LGSN: variants seen among roughly 807,000 people sequenced by gnomAD.
The protein encoded by LGSN is lengsin.
In LGSN, 21 loss-of-function variants were observed where a neutral mutation model predicts 19.5. The ratio of observed to expected loss-of-function variants is 1.07; its 90% CI spans 0.76 to 1.55. The LOEUF is 1.55. LGSN is among the 40% of genes most tolerant of loss of function. The pLI is 0.00. For synonymous variants in LGSN, 257 were observed against 215.6 expected (o/e 1.19, Z -1.68); for missense variants, 673 against 608.5 (o/e 1.11, Z -1.12).
At chr6:63,362,044 C>A in the LGSN span, among the ~76,000 whole-genome samples, 10 of 152,176 alleles carry the variant, frequency 6.6e-5, no homozygotes, top group Non-Finnish European at 1.3e-4. Flanking sequence ...GCAACTTGAT[C>A]TTGTCCCACT....
intron 3 of LGSN, among the ~76,000 whole-genome samples, chr6:63,282,671 A>G (rs547556375): frequency 5.3e-5 from 8 of 152,276 alleles, no homozygotes; most frequent in African/African-American, 1.9e-4. Flanking sequence ...CATATTTTTG[A>G]ATGCTATTTG....
chr6:63,518,389 A>C, the LGSN span, among the ~76,000 whole-genome samples: 1 of 152,170 alleles, frequency 6.6e-6, no homozygotes, highest in East Asian at 1.9e-4. Flanking sequence ...GGCAAGAATA[A>C]ATTTTATAAT....
At chr6:63,473,072 GC>G in the LGSN span, among the ~76,000 whole-genome samples, 1 of 152,056 alleles carries the variant, frequency 6.6e-6, no homozygotes, top group Non-Finnish European at 1.5e-5. Flanking sequence ...TCCCAGTTCA[GC>G]CTGGGCAGAA....
chr6:63,370,115 T>C, the LGSN span, among the ~76,000 whole-genome samples: 4 of 152,224 alleles, frequency 2.6e-5, no homozygotes, highest in Non-Finnish European at 5.9e-5. Flanking sequence ...ATTTTGATAA[T>C]AGAAATGCAA....
At chr6:63,451,848 T>C in the LGSN span, among the ~76,000 whole-genome samples, 8 of 152,334 alleles carry the variant, frequency 5.3e-5, no homozygotes, top group Non-Finnish European at 1.2e-4. Context: ...CGTCTGTTGA[T>C]GTGTATTATT....
the LGSN span, among the ~76,000 whole-genome samples, chr6:63,568,425 A>C: frequency 6.6e-6 from 1 of 152,250 alleles, no homozygotes; most frequent in East Asian, 1.9e-4. Flanking sequence ...TTTATCAAAT[A>C]AGTTTGCCAT....
chr6:63,412,551 AAAGAAAGAAAGAAAGAAAGG>A, the LGSN span, among the ~76,000 whole-genome samples: 2 of 140,090 alleles, frequency 1.4e-5, no homozygotes, highest in African/African-American at 5.8e-5. Flanking sequence ...AGAAAGAAAG[AAAGAAAGAAAGAAAGAAAGG>A]AAGGAAGGAA....
At chr6:63,319,773 T>G (rs1247003345) in intron 1 of LGSN, 141 bp downstream of exon 1, 9 of 681,118 alleles carry the variant, frequency 1.3e-5, no homozygotes, top group Admixed American at 1.2e-4. Flanking sequence ...GGGCAATTCT[T>G]CATAAACTTC....
chr6:63,421,653 G>A, the LGSN span, among the ~76,000 whole-genome samples: 303 of 151,914 alleles, frequency 2.0e-3, 2 homozygotes, highest in Non-Finnish European at 3.5e-3. Flanking sequence ...GCTTAAACCC[G>A]GGAGGCGGAG....
the LGSN span, among the ~76,000 whole-genome samples, chr6:63,434,497 G>A: frequency 3.4e-5 from 5 of 147,500 alleles, no homozygotes; most frequent in South Asian, 2.1e-4. Flanking sequence ...CGTGGCTCAC[G>A]TCTGTAATCC....
chr6:63,518,745 T>C, the LGSN span, among the ~76,000 whole-genome samples: 1 of 152,212 alleles, frequency 6.6e-6, no homozygotes, highest in Admixed American at 6.6e-5. Flanking sequence ...CCTTTAATAC[T>C]TGCAATAATA....
At chr6:63,487,633 C>T in the LGSN span, among the ~76,000 whole-genome samples, 1 of 152,164 alleles carries the variant, frequency 6.6e-6, no homozygotes, top group Non-Finnish European at 1.5e-5. Context: ...TGAACACAGA[C>T]GTCAGAGTTT....
chr6:63,317,898 A>G (rs564567546), intron 1 of LGSN, among the ~76,000 whole-genome samples: 1 of 152,316 alleles, frequency 6.6e-6, no homozygotes, highest in South Asian at 2.1e-4. Flanking sequence ...AGGGTGGGGA[A>G]CAGATCTTAC....
Position 63,276,976 on chromosome 6 carries a change from C to T in LGSN, c.*3045G>A, listed in dbSNP as rs1014119584. The T allele has an allele frequency of 3.9e-5, 6 of 152,012 alleles. No homozygotes were observed. The highest frequency in any genetic ancestry group is 1.4e-4 in the African/African-American group (6 of 41,396). The allele number at this position is 152,012 out of a possible 1,614,324, so 9.4% of individuals were successfully genotyped here. ...GGTTGCCTTAAAGAACAAGAATATACATCAGCACACACCTAACTGAAATCT... is the reference window on the plus strand; with the variant it reads ...GGTTGCCTTAAAGAACAAGAATATATATCAGCACACACCTAACTGAAATCT... On this transcript the variant is annotated 3_prime_UTR_variant, in exon 4 of 4. Coordinates refer to ENST00000370657, the MANE Select transcript of LGSN (RefSeq NM_016571.3).
chr6:63,548,824 T>A, the LGSN span: 1 of 749,926 alleles, frequency 1.3e-6, no homozygotes, highest in South Asian at 1.4e-5. Context: ...TCATTGTATC[T>A]GTCATTGTAG....
At chr6:63,325,690 A>T in the LGSN span, among the ~76,000 whole-genome samples, 1 of 152,082 alleles carries the variant, frequency 6.6e-6, no homozygotes, top group African/African-American at 2.4e-5. Flanking sequence ...AAGGTGGCGC[A>T]TCTGGAGTTT....
the LGSN span, among the ~76,000 whole-genome samples, chr6:63,360,979 T>C: frequency 6.6e-6 from 1 of 152,204 alleles, no homozygotes; most frequent in African/African-American, 2.4e-5. Context: ...CGGATATTGG[T>C]GAACAGCAAA....
chr6:63,320,160 A>G (rs1195240255), upstream of LGSN, among the ~76,000 whole-genome samples: 1 of 152,212 alleles, frequency 6.6e-6, no homozygotes, highest in Non-Finnish European at 1.5e-5. Context: ...GAATCGAATG[A>G]CAAATGCTTG....
the LGSN span, among the ~76,000 whole-genome samples, chr6:63,415,650 T>C: frequency 2.0e-5 from 3 of 152,204 alleles, no homozygotes; most frequent in African/African-American, 7.2e-5. Context: ...AGGACTATAA[T>C]TCAAGGTGAG....
Sources: gnomAD v4.1 joint callset for allele counts (sites outside exome capture counted in the v4.1 genomes callset) on GRCh38, gnomAD v4.1.1 for gene constraint, MANE v1.5 for transcripts, NCBI Gene and HGNC (gene_info 2026-07-23, HGNC 2026-07-21) for gene names.